LIN28B: variants seen among roughly 807,000 people sequenced by gnomAD.
The protein encoded by LIN28B is lin-28 RNA binding posttranscriptional regulator B, also known as protein lin-28 homolog B.
A neutral mutation model predicts 21.9 loss-of-function variants in LIN28B; 5 were observed. The ratio of observed to expected loss-of-function variants is 0.23; its 90% confidence interval spans 0.12 to 0.48. LIN28B has a LOEUF of 0.48. Ranked by LOEUF, LIN28B falls within the 20% of genes least tolerant of loss-of-function variation. LIN28B has a pLI of 0.98. For synonymous variants in LIN28B, 109 were observed against 111.3 expected (o/e 0.98, Z 0.13); for missense variants, 245 against 310.5 (o/e 0.79, Z 1.58).
rs1772518019 is a variant in LIN28B, at chr6:105,080,264, T to A, written c.*1481T>A. On this transcript the variant is annotated 3_prime_UTR_variant, in exon 4 of 4. Coordinates refer to ENST00000345080, the MANE Select transcript of LIN28B (RefSeq NM_001004317.4). Reference sequence around the variant, plus strand: ...ATGTTATGGGCAAATTTCTGAAACATCTGCAAGAAGGTACCAGTTAATTAT... The same window carrying A: ...ATGTTATGGGCAAATTTCTGAAACAACTGCAAGAAGGTACCAGTTAATTAT... The A allele has an allele frequency of 6.6e-6, 1 of 152,624 alleles. No individual in the cohort carries two copies. Among genetic ancestry groups the A allele is most frequent in the Non-Finnish European group, 1.5e-5 (1 of 68,040 alleles). 9.5% of individuals were successfully genotyped at this position (152,624 alleles called of 1,614,324 possible). A position where few individuals can be genotyped will look rare whatever the true frequency, so the allele number is the denominator to read the frequency against.
intron 2 of LIN28B, among the ~76,000 whole-genome samples, chr6:105,007,269 TTTA>T (rs1562090368): frequency 6.6e-6 from 1 of 152,196 alleles, no homozygotes; most frequent in Non-Finnish European, 1.5e-5. Context: ...TCAATTTGAA[TTTA>T]TTATTCAAAA....
chr6:105,013,564 C>T (rs140801285), intron 2 of LIN28B, among the ~76,000 whole-genome samples: 62 of 151,548 alleles, frequency 4.1e-4, no homozygotes, highest in Admixed American at 6.6e-4. Context: ...ATGGCAAAAC[C>T]CTGTCTCTAC....
chr6:105,050,446 CA>C (rs1287199434), intron 3 of LIN28B, among the ~76,000 whole-genome samples: 1 of 150,924 alleles, frequency 6.6e-6, no homozygotes, highest in Admixed American at 6.6e-5. Context: ...ACTAAAAATA[CA>C]AAAAATTAGC....
At chr6:105,043,044 G>T (rs1230844061) in intron 3 of LIN28B, among the ~76,000 whole-genome samples, 1 of 152,106 alleles carries the variant, frequency 6.6e-6, no homozygotes, top group Non-Finnish European at 1.5e-5. Flanking sequence ...TTGCTCACTG[G>T]AAGAATATAT....
intron 3 of LIN28B, among the ~76,000 whole-genome samples, chr6:105,048,244 G>C (rs533230103): frequency 1.3e-5 from 2 of 152,286 alleles, no homozygotes; most frequent in South Asian, 2.1e-4. Flanking sequence ...GTTGAATTTC[G>C]TCAAAGGCCT....
At chr6:104,937,359 G>A (rs1012316275) in intron 2 of LIN28B, among the ~76,000 whole-genome samples, 2 of 152,084 alleles carry the variant, frequency 1.3e-5, no homozygotes, top group Non-Finnish European at 2.9e-5. Flanking sequence ...CCGCAGTCTC[G>A]GCTCGCTGCA....
At chr6:104,946,867 AATT>A (rs1318390285) in intron 2 of LIN28B, among the ~76,000 whole-genome samples, 1 of 152,170 alleles carries the variant, frequency 6.6e-6, no homozygotes, top group Admixed American at 6.5e-5. Context: ...AGAAACAAAA[AATT>A]ATCTGAAGTA....
intron 2 of LIN28B, among the ~76,000 whole-genome samples, chr6:104,980,679 C>T (rs1178146702): frequency 6.6e-6 from 1 of 152,104 alleles, no homozygotes; most frequent in Non-Finnish European, 1.5e-5. Flanking sequence ...GTTCCTTTTT[C>T]TACAGTGATG....
intron 3 of LIN28B, among the ~76,000 whole-genome samples, chr6:105,070,355 T>C (rs1772307442): frequency 6.6e-6 from 1 of 151,808 alleles, no homozygotes. Context: ...GGCAATGGGG[T>C]TTTATAATTA....
chr6:105,012,903 A>G (rs1445585097), intron 2 of LIN28B, among the ~76,000 whole-genome samples: 1 of 152,194 alleles, frequency 6.6e-6, no homozygotes, highest in Admixed American at 6.5e-5. Context: ...ACTTTTTCCA[A>G]AGTAGATCTA....
At chr6:105,024,114 AAGT>A (rs1771235927) in intron 2 of LIN28B, among the ~76,000 whole-genome samples, 1 of 151,784 alleles carries the variant, frequency 6.6e-6, no homozygotes, top group African/African-American at 2.4e-5. Flanking sequence ...TCAGCCTCCC[AAGT>A]AGCTGGGATT....
At chr6:105,043,183 T>C (rs1326489436) in intron 3 of LIN28B, among the ~76,000 whole-genome samples, 7 of 151,676 alleles carry the variant, frequency 4.6e-5, no homozygotes, top group Admixed American at 3.9e-4. Context: ...TCCCAGCACT[T>C]TGGGAGGCTG....
chr6:105,055,584 A>T (rs531080202), intron 3 of LIN28B, among the ~76,000 whole-genome samples: 5 of 152,008 alleles, frequency 3.3e-5, no homozygotes, highest in African/African-American at 9.7e-5. Context: ...TATTATATTC[A>T]TATTTCTTTA....
At chr6:104,989,799 C>G (rs1265483254) in intron 2 of LIN28B, among the ~76,000 whole-genome samples, 1 of 151,882 alleles carries the variant, frequency 6.6e-6, no homozygotes, top group African/African-American at 2.4e-5. Context: ...ACCATGTTGG[C>G]CTGGCTGGTT....
chr6:104,962,042 A>G (rs946818028), intron 2 of LIN28B, among the ~76,000 whole-genome samples: 4 of 152,104 alleles, frequency 2.6e-5, no homozygotes, highest in Non-Finnish European at 5.9e-5. Context: ...TCATTATCTT[A>G]CCTAATAAGA....
intron 3 of LIN28B, among the ~76,000 whole-genome samples, chr6:105,063,401 C>T (rs557137429): frequency 1.1e-4 from 16 of 152,198 alleles, no homozygotes; most frequent in African/African-American, 3.4e-4. Flanking sequence ...TAAGCAAGGC[C>T]GAGAAGGGCG....
chr6:104,980,433 A>C (rs534562412), intron 2 of LIN28B, among the ~76,000 whole-genome samples: 11 of 152,224 alleles, frequency 7.2e-5, no homozygotes, highest in African/African-American at 2.6e-4. Context: ...TTGATCTTGA[A>C]ATTTTGTGTG....
chr6:104,953,185 G>T (rs1395959791), upstream of LIN28B, among the ~76,000 whole-genome samples: 1 of 152,064 alleles, frequency 6.6e-6, no homozygotes, highest in Non-Finnish European at 1.5e-5. Flanking sequence ...CCAGCCTTGC[G>T]TCCAGCCCTT....
intron 3 of LIN28B, among the ~76,000 whole-genome samples, chr6:105,061,341 G>A (rs1190652143): frequency 6.6e-6 from 1 of 151,834 alleles, no homozygotes; most frequent in Non-Finnish European, 1.5e-5. Context: ...AGTAGGAGAT[G>A]GTCAAGAAAA....
Sources: gnomAD v4.1 joint callset for allele counts (sites outside exome capture counted in the v4.1 genomes callset) on GRCh38, gnomAD v4.1.1 for gene constraint, MANE v1.5 for transcripts, NCBI Gene and HGNC (gene_info 2026-07-23, HGNC 2026-07-21) for gene names.